ANO3: variants seen among roughly 807,000 people sequenced by gnomAD.
ANO3 encodes anoctamin-3.
Under a neutral mutation model 144.8 loss-of-function variants are expected in ANO3, and 99 were observed. The observed-to-expected ratio is 0.68, with a 90% CI of 0.58 to 0.81. ANO3 has a LOEUF of 0.81. ANO3 is among the 30% of genes least tolerant of loss of function. The pLI is 0.00. For missense variants in ANO3, 905 were observed against 1,202.2 expected, an observed-to-expected ratio of 0.75 and a Z score of 3.66; for synonymous variants, 414 against 392.6, an observed-to-expected ratio of 1.05 and a Z score of -0.64.
At chr11:26,626,657 A>G (rs1047032207) in intron 18 of ANO3, among the ~76,000 whole-genome samples, 3 of 152,256 alleles carry the variant, frequency 2.0e-5, no homozygotes, top group African/African-American at 4.8e-5. Flanking sequence ...CACTGCTGCC[A>G]TAATCTGAAA....
At chr11:26,362,515 C>A (rs183582052) in intron 1 of ANO3, among the ~76,000 whole-genome samples, 5 of 152,186 alleles carry the variant, frequency 3.3e-5, no homozygotes, top group Middle Eastern at 3.4e-3. Context: ...GGCCTTATAG[C>A]AATTATTGAA....
chr11:26,282,018 T>C (rs909856971), intron 1 of ANO3, among the ~76,000 whole-genome samples: 2 of 152,242 alleles, frequency 1.3e-5, no homozygotes, highest in Admixed American at 1.3e-4. Context: ...ACACACTGTT[T>C]ATTCTTGGAA....
intron 1 of ANO3, among the ~76,000 whole-genome samples, chr11:26,194,750 G>A (rs945367238): frequency 6.6e-6 from 1 of 151,940 alleles, no homozygotes; most frequent in Non-Finnish European, 1.5e-5. Flanking sequence ...ATTTTTAGTA[G>A]AGATGGGATT....
At chr11:26,506,726 C>CA (rs2134134501) in intron 4 of ANO3, among the ~76,000 whole-genome samples, 1 of 152,310 alleles carries the variant, frequency 6.6e-6, no homozygotes, top group East Asian at 1.9e-4. Flanking sequence ...AATCTCTCTG[C>CA]AGAACTACAG....
At chr11:26,551,017 CT>C (rs1195606867) in intron 12 of ANO3, among the ~76,000 whole-genome samples, 1 of 151,872 alleles carries the variant, frequency 6.6e-6, no homozygotes. Flanking sequence ...ATGATTATGT[CT>C]GATTTTAAAA....
intron 24 of ANO3, among the ~76,000 whole-genome samples, chr11:26,655,735 AG>A (rs1853666090): frequency 6.6e-6 from 1 of 152,186 alleles, no homozygotes. Flanking sequence ...ATGTTTAATA[AG>A]TTAAGTAAAA....
chr11:26,593,981 C>T (rs1029522298), intron 14 of ANO3, among the ~76,000 whole-genome samples: 1 of 152,102 alleles, frequency 6.6e-6, no homozygotes, highest in East Asian at 1.9e-4. Context: ...AAGTTTTTTT[C>T]TAATGTCTGC....
intron 14 of ANO3, among the ~76,000 whole-genome samples, chr11:26,581,703 A>G (rs1314354117): frequency 2.0e-5 from 3 of 151,770 alleles, no homozygotes; most frequent in Non-Finnish European, 4.4e-5. Context: ...AAAAAAAAAA[A>G]AAAAAAAAGG....
At chr11:26,303,549 G>A (rs532314056) in intron 1 of ANO3, among the ~76,000 whole-genome samples, 2 of 152,038 alleles carry the variant, frequency 1.3e-5, no homozygotes, top group Non-Finnish European at 1.5e-5. Context: ...TATTAAGAGG[G>A]AGACGGAGGA....
chr11:26,334,934 C>T (rs1429940783), intron 1 of ANO3, among the ~76,000 whole-genome samples: 1 of 152,096 alleles, frequency 6.6e-6, no homozygotes, highest in Non-Finnish European at 1.5e-5. Context: ...CAGACACACT[C>T]AATATTTAAA....
chr11:26,304,316 T>C (rs1290553340), intron 1 of ANO3, among the ~76,000 whole-genome samples: 4 of 152,186 alleles, frequency 2.6e-5, no homozygotes, highest in Non-Finnish European at 5.9e-5. Context: ...CTCTACATAA[T>C]GCTTTAAAAG....
intron 18 of ANO3, among the ~76,000 whole-genome samples, chr11:26,630,527 C>A (rs1852742038): frequency 6.6e-6 from 1 of 152,168 alleles, no homozygotes; most frequent in Non-Finnish European, 1.5e-5. Flanking sequence ...AAACACTTTT[C>A]TTGTGTACAT....
At chr11:26,624,948 G>T (rs1335973390) in intron 18 of ANO3, among the ~76,000 whole-genome samples, 2 of 149,450 alleles carry the variant, frequency 1.3e-5, no homozygotes, top group African/African-American at 4.9e-5. Context: ...CTGAGATGGA[G>T]CCTTGCTCAG....
At chr11:26,401,977 C>T (rs762706443) in intron 1 of ANO3, among the ~76,000 whole-genome samples, 1 of 151,980 alleles carries the variant, frequency 6.6e-6, no homozygotes, top group Non-Finnish European at 1.5e-5. Context: ...AACATGATCT[C>T]ATTCTTTTTA....
intron 1 of ANO3, among the ~76,000 whole-genome samples, chr11:26,210,240 G>A (rs116084692): frequency 0.023 from 3,448 of 152,228 alleles, 152 homozygotes; most frequent in African/African-American, 0.08. Flanking sequence ...TATTAAATAA[G>A]GAATCCTTCC....
intron 1 of ANO3, among the ~76,000 whole-genome samples, chr11:26,414,290 C>T (rs775369727): frequency 2.6e-5 from 4 of 152,010 alleles, no homozygotes; most frequent in Admixed American, 6.6e-5. Context: ...CACATGCACA[C>T]GTATGTTTAT....
chr11:26,452,121 C>T (rs1241452400), intron 3 of ANO3, among the ~76,000 whole-genome samples: 2 of 152,106 alleles, frequency 1.3e-5, no homozygotes, highest in Non-Finnish European at 2.9e-5. Flanking sequence ...GATAAAACCA[C>T]AAAGATGGGG....
intron 1 of ANO3, among the ~76,000 whole-genome samples, chr11:26,338,656 G>A (rs1855261751): frequency 6.6e-6 from 1 of 152,132 alleles, no homozygotes; most frequent in African/African-American, 2.4e-5. Context: ...CACCGCGAGG[G>A]TCTCCAGCTT....
At chr11:26,192,296 T>C (rs1352798131) in intron 1 of ANO3, among the ~76,000 whole-genome samples, 2 of 152,164 alleles carry the variant, frequency 1.3e-5, no homozygotes, top group African/African-American at 4.8e-5. Context: ...CATAATGTAT[T>C]TATTGCAGGC....
Sources: gnomAD v4.1 joint callset for allele counts (sites outside exome capture counted in the v4.1 genomes callset) on GRCh38, gnomAD v4.1.1 for gene constraint, MANE v1.5 for transcripts, NCBI Gene and HGNC (gene_info 2026-07-23, HGNC 2026-07-21) for gene names.